The following ERC2 variants were observed in gnomAD, a reference collection of about 807,000 sequenced individuals.
The protein encoded by ERC2 is ELKS/RAB6-interacting/CAST family member 2.
A neutral mutation model predicts 114.8 loss-of-function variants in ERC2; 42 were observed. That is an observed-to-expected ratio of 0.37 (90% CI 0.29 to 0.47). ERC2 has a LOEUF of 0.47. Ranked by LOEUF, ERC2 falls within the 20% of genes least tolerant of loss-of-function variation. ERC2 has a pLI of 0.99. For synonymous variants in ERC2, 454 were observed against 425.5 expected (o/e 1.07, Z -0.82); for missense variants, 939 against 1,150.7 (o/e 0.82, Z 2.66).
intron 7 of ERC2, among the ~76,000 whole-genome samples, chr3:56,036,480 G>A (rs1222931996): frequency 1.3e-5 from 2 of 152,122 alleles, no homozygotes; most frequent in African/African-American, 2.4e-5. Flanking sequence ...CTGAGGGGAG[G>A]GACCAAGATG....
At chr3:56,171,605 A>T (rs1295436274) in intron 4 of ERC2, among the ~76,000 whole-genome samples, 1 of 152,212 alleles carries the variant, frequency 6.6e-6, no homozygotes, top group Non-Finnish European at 1.5e-5. Context: ...TTGCCCTAGA[A>T]TTCAAGTTTC....
intron 7 of ERC2, among the ~76,000 whole-genome samples, chr3:56,052,653 A>C (rs1003478911): frequency 6.6e-6 from 1 of 152,212 alleles, no homozygotes; most frequent in African/African-American, 2.4e-5. Context: ...GGATAATAGT[A>C]ACACCTATCC....
chr3:56,360,651 T>A (rs2058922328), intron 2 of ERC2, among the ~76,000 whole-genome samples: 1 of 152,200 alleles, frequency 6.6e-6, no homozygotes, highest in African/African-American at 2.4e-5. Context: ...CTCACGCCTG[T>A]AATCCCAACA....
intron 6 of ERC2, among the ~76,000 whole-genome samples, chr3:56,091,541 G>A (rs1320303605): frequency 6.6e-6 from 1 of 152,162 alleles, no homozygotes; most frequent in Non-Finnish European, 1.5e-5. Flanking sequence ...TCTACATGTG[G>A]ATGGGCAGTC....
At chr3:56,350,280 T>C (rs2058500973) in intron 2 of ERC2, among the ~76,000 whole-genome samples, 1 of 152,236 alleles carries the variant, frequency 6.6e-6, no homozygotes, top group Non-Finnish European at 1.5e-5. Flanking sequence ...TCAACTACAA[T>C]AGAAGCTGGC....
At chr3:56,441,745 C>T (rs982752808) in intron 1 of ERC2, among the ~76,000 whole-genome samples, 3 of 152,192 alleles carry the variant, frequency 2.0e-5, no homozygotes, top group African/African-American at 7.2e-5. Flanking sequence ...CAGAATTTCA[C>T]CATGTTGGCT....
chr3:55,823,945 G>T (rs1348287176), intron 14 of ERC2, among the ~76,000 whole-genome samples: 1 of 152,158 alleles, frequency 6.6e-6, no homozygotes, highest in Non-Finnish European at 1.5e-5. Flanking sequence ...AGATCAAGGT[G>T]TCGGCAGATT....
intron 13 of ERC2, among the ~76,000 whole-genome samples, chr3:55,922,595 T>A (rs1047575306): frequency 4.6e-5 from 7 of 152,100 alleles, no homozygotes; most frequent in Non-Finnish European, 7.4e-5. Context: ...TTACTTAGAA[T>A]CTTTTTCCTC....
At chr3:55,831,771 C>G (rs909099250) in intron 14 of ERC2, among the ~76,000 whole-genome samples, 27 of 152,112 alleles carry the variant, frequency 1.8e-4, no homozygotes, top group Admixed American at 1.6e-3. Context: ...GTGGGTACAA[C>G]GCACCGTGTG....
intron 17 of ERC2, among the ~76,000 whole-genome samples, chr3:55,549,719 T>C (rs537959424): frequency 6.6e-6 from 1 of 152,134 alleles, no homozygotes; most frequent in East Asian, 1.9e-4. Context: ...CAGTCCTCTC[T>C]GGGTGGTTGC....
In ERC2 at chr3:55,675,903, C is replaced by CTTTTTTTTTTTTTTTTTTTTTTTT. The variant is rs869296098; in HGVS notation, c.*39+7867_*39+7890dup. ...TTCCATCTTTCTTTCTCTTTTCTTT[C>CTTTTTTTTTTTTTTTTTTTTTTTT]TTTTTTTTTTTTTTTTTTTTTTTTT... On this transcript the variant is annotated intron_variant, in intron 17 of 17. Transcript: ENST00000288221. 1.2e-3 allele frequency among the ~76,000 whole-genome samples: 59 copies of CTTTTTTTTTTTTTTTTTTTTTTTT among 47,996 alleles called. 12 individuals carry two copies. The highest frequency in any genetic ancestry group is 2.1e-3 in the Admixed American group (6 of 2,864). The allele number at this position is 47,996 out of a possible 152,430, so 31.5% of individuals were successfully genotyped here.
chr3:55,520,742 A>T (rs2052870590), intron 17 of ERC2, among the ~76,000 whole-genome samples: 1 of 152,248 alleles, frequency 6.6e-6, no homozygotes, highest in South Asian at 2.1e-4. Context: ...CATGATAATA[A>T]GCCCTGTTAT....
chr3:55,610,102 T>C (rs1367312320), intron 17 of ERC2, among the ~76,000 whole-genome samples: 1 of 150,628 alleles, frequency 6.6e-6, no homozygotes, highest in Non-Finnish European at 1.5e-5. Flanking sequence ...TCCTCTAATT[T>C]AAGGTTTTTA....
intron 8 of ERC2, among the ~76,000 whole-genome samples, chr3:56,013,776 T>C (rs1471052709): frequency 1.3e-5 from 2 of 152,152 alleles, no homozygotes; most frequent in Non-Finnish European, 2.9e-5. Flanking sequence ...TCAGAACCCT[T>C]CGGTATATTT....
chr3:56,430,199 T>G (rs1166494606), intron 2 of ERC2, among the ~76,000 whole-genome samples: 1 of 152,220 alleles, frequency 6.6e-6, no homozygotes, highest in South Asian at 2.1e-4. Context: ...CCTTGATAGA[T>G]GCAATCTCTG....
At chr3:55,975,423 T>C (rs2069506610) in intron 12 of ERC2, among the ~76,000 whole-genome samples, 1 of 152,232 alleles carries the variant, frequency 6.6e-6, no homozygotes, top group African/African-American at 2.4e-5. Flanking sequence ...CTAGGTTTTT[T>C]TGTCTGTTTA....
At position 56,253,836 on chromosome 3, in the gene ERC2, C is replaced by T. The variant is rs373712527; in HGVS notation, c.1074+42183G>A. On this transcript the variant is annotated intron_variant, in intron 3 of 17. Coordinates refer to ENST00000288221, the MANE Select transcript of ERC2 (RefSeq NM_015576.3). ...TGAGGATAACTTGAGCCCAGGGGTG[C>T]GAATCTGCAACGAGTTATAATCGCA... 1.4e-3 allele frequency among the ~76,000 whole-genome samples: 217 copies of T among 152,234 alleles called. 10 individuals carry two copies. In the South Asian group the frequency reaches 0.043, roughly 30 times the overall value.
At chr3:55,524,460 C>A (rs1361938555) in intron 17 of ERC2, among the ~76,000 whole-genome samples, 3 of 151,748 alleles carry the variant, frequency 2.0e-5, no homozygotes, top group Non-Finnish European at 4.4e-5. Flanking sequence ...TTGGGCTCTT[C>A]CTGTTGGCAT....
At chr3:55,777,474 G>T (rs1002211267) in intron 14 of ERC2, among the ~76,000 whole-genome samples, 3 of 152,224 alleles carry the variant, frequency 2.0e-5, no homozygotes, top group Non-Finnish European at 4.4e-5. Context: ...CACCCCTGTG[G>T]GCTGGCGGAA....
Sources: gnomAD v4.1 joint callset for allele counts (sites outside exome capture counted in the v4.1 genomes callset) on GRCh38, gnomAD v4.1.1 for gene constraint, MANE v1.5 for transcripts, NCBI Gene and HGNC (gene_info 2026-07-23, HGNC 2026-07-21) for gene names.